RAD52: variants seen among roughly 807,000 people sequenced by gnomAD.
RAD52 encodes DNA repair protein RAD52 homolog.
A neutral mutation model predicts 55.5 loss-of-function variants in RAD52; 47 were observed. That is an observed-to-expected ratio of 0.85 (90% CI 0.67 to 1.08). The LOEUF is 1.08. Among genes scored for constraint, RAD52 ranks in the 50% least tolerant of loss-of-function variants. The pLI is 0.00. For synonymous variants in RAD52, 184 were observed against 198.9 expected (o/e 0.92, Z 0.63); for missense variants, 468 against 522.8 (o/e 0.90, Z 1.02).
At chr12:983,299 CATA>C (rs1959043448) in intron 1 of RAD52, among the ~76,000 whole-genome samples, 2 of 152,016 alleles carry the variant, frequency 1.3e-5, no homozygotes, top group South Asian at 4.2e-4. Flanking sequence ...CTAGGGATAC[CATA>C]ATAAAATAAT....
chr12:983,718 C>A (rs1361608543), intron 1 of RAD52, among the ~76,000 whole-genome samples: 1 of 152,174 alleles, frequency 6.6e-6, no homozygotes, highest in Non-Finnish European at 1.5e-5. Context: ...CCGCACGCGG[C>A]CGGCTGCATC....
intron 1 of RAD52, among the ~76,000 whole-genome samples, chr12:959,010 C>A (rs996339980): frequency 2.0e-5 from 3 of 152,094 alleles, no homozygotes; most frequent in African/African-American, 7.2e-5. Flanking sequence ...TACTACTGAT[C>A]CAGGCGCTGT....
Position 929,812 on chromosome 12 carries a change from C to CT in RAD52, c.348+6_348+7insA, listed in dbSNP as rs35278212. 0.12 allele frequency: 195,732 copies of CT among 1,611,970 alleles called. 12,480 individuals are homozygous for CT. Among genetic ancestry groups the CT allele is most frequent in the South Asian group, 0.16 (14,188 of 91,026 alleles). On this transcript the variant is annotated splice_region_variant and intron_variant, in intron 5 of 11. Transcript: ENST00000358495. ...TTCCGGGCAGCAGGTCTACTCCATC[C>CT]CCTCACCTTCAGCTGGACCCTCACA...
In RAD52 at chr12:919,749, T is replaced by TA. The variant is rs755729351; in HGVS notation, c.544-2930dup. On this transcript the variant is annotated intron_variant, in intron 7 of 11. Coordinates refer to ENST00000358495, the MANE Select transcript of RAD52 (RefSeq NM_134424.4). ...CTGGGCGACAGAGCAAGACTCTGTC[T>TA]AAAAAAAAAAAAAAAAATCTGGGCT... Among the ~76,000 whole-genome samples the TA allele has an allele frequency of 1.4e-3, 115 of 82,188 alleles. 9 individuals carry two copies. The highest frequency in any genetic ancestry group is 2.7e-3 in the East Asian group (9 of 3,360). The allele number at this position is 82,188 out of a possible 152,430, so 53.9% of individuals were successfully genotyped here. A position where few individuals can be genotyped will look rare whatever the true frequency, so the allele number is the denominator to read the frequency against.
chr12:980,518 T>C (rs1368095201), intron 1 of RAD52, among the ~76,000 whole-genome samples: 3 of 151,758 alleles, frequency 2.0e-5, no homozygotes, highest in Non-Finnish European at 4.4e-5. Flanking sequence ...GGTCTCGAAC[T>C]CCTGACCTCA....
At chr12:941,258 G>A (rs1957904264) in intron 1 of RAD52, among the ~76,000 whole-genome samples, 1 of 152,058 alleles carries the variant, frequency 6.6e-6, no homozygotes, top group South Asian at 2.1e-4. Flanking sequence ...AACATATCTA[G>A]AAATCAATTT....
At chr12:925,354 C>T in intron 7 of RAD52, 96 bp downstream of exon 7, 1 of 1,022,088 alleles carries the variant, frequency 9.8e-7, no homozygotes, top group South Asian at 1.3e-5. Flanking sequence ...AGAGCTGAGT[C>T]CTCACTTTTT....
In RAD52 at chr12:965,137, G is replaced by A. The variant is rs531395746; in HGVS notation, c.-19+24672C>T. Among the ~76,000 whole-genome samples, 22 of 151,732 alleles carry A rather than the reference G, an allele frequency of 1.4e-4. 1 individual carries two copies. The East Asian group carries it at 3.9e-3, about 27-fold the overall frequency. ...TAGGAGTACAGGTGCGCACCACCAC[G>A]CCCGGCTAATTTTTGTATTTTTAGT... On this transcript the variant is annotated intron_variant, in intron 1 of 11. Transcript: ENST00000430095.
chr12:950,192 T>C (rs560828442), upstream of RAD52, among the ~76,000 whole-genome samples: 26 of 152,258 alleles, frequency 1.7e-4, no homozygotes, highest in East Asian at 5.0e-3. Flanking sequence ...GCCGCGCACA[T>C]CCAGTCGTCA....
intron 7 of RAD52, 139 bp from the exon 8 acceptor site, chr12:916,959 A>G: frequency 1.7e-6 from 2 of 1,182,160 alleles, no homozygotes; most frequent in Non-Finnish European, 1.2e-6. Flanking sequence ...CTGTAACTCC[A>G]TGAGCAGGAG....
Position 919,388 on chromosome 12 carries a change from G to A in RAD52, c.544-2568C>T, listed in dbSNP as rs545909349. The stretch of plus-strand genomic sequence containing the variant: ...TTGAACCCACGAGGCAGAGGTTGCA[G>A]TGATCACAACATTGCACTCCAGCCT... On this transcript the variant is annotated intron_variant, in intron 7 of 11. Transcript: ENST00000358495. 2.0e-5 allele frequency among the ~76,000 whole-genome samples: 3 copies of A among 152,160 alleles called. No individual in the cohort carries two copies. The East Asian group carries it at 5.8e-4, about 29-fold the overall frequency.
At chr12:953,173 C>T (rs115285274), upstream of RAD52, among the ~76,000 whole-genome samples, 959 of 150,012 alleles carry the variant, frequency 6.4e-3, 12 homozygotes, top group African/African-American at 0.023. Context: ...GGGATGGTGG[C>T]ACATACCTTT....
At chr12:921,480 C>T (rs1288795828) in intron 7 of RAD52, among the ~76,000 whole-genome samples, 1 of 151,984 alleles carries the variant, frequency 6.6e-6, no homozygotes, top group Non-Finnish European at 1.5e-5. Context: ...GGCATGGTGG[C>T]AAATGCCTGT....
At chr12:935,767 C>A (rs987697171) in intron 1 of RAD52, among the ~76,000 whole-genome samples, 1 of 151,632 alleles carries the variant, frequency 6.6e-6, no homozygotes. Flanking sequence ...GCAAGAGAAT[C>A]GCTTGAACCC....
In RAD52 at chr12:914,404, A is replaced by G. The variant is rs200415466; in HGVS notation, c.967+27T>C. Reference sequence around the variant, plus strand: ...GGCTACTAGAAACATACAGCACAGTAGCTTACAAGCATTTCAAGGTATTTA... The same window carrying G: ...GGCTACTAGAAACATACAGCACAGTGGCTTACAAGCATTTCAAGGTATTTA... On this transcript the variant is annotated intron_variant, in intron 10 of 11. Coordinates refer to ENST00000358495, the MANE Select transcript of RAD52 (RefSeq NM_134424.4). 30 of 1,613,052 alleles carry G rather than the reference A, an allele frequency of 1.9e-5. No homozygotes were observed. The African/African-American group carries it at 2.3e-4, about 12-fold the overall frequency.
At chr12:955,840 G>A (rs960333251) in intron 1 of RAD52, among the ~76,000 whole-genome samples, 3 of 151,764 alleles carry the variant, frequency 2.0e-5, no homozygotes, top group Non-Finnish European at 4.4e-5. Flanking sequence ...GAGTGCAGTG[G>A]CACCATCTCG....
intron 7 of RAD52, among the ~76,000 whole-genome samples, chr12:917,918 C>T (rs1385017909): frequency 1.3e-5 from 2 of 151,872 alleles, no homozygotes. Context: ...CCAGCCTGGG[C>T]GACAGAGCAA....
intron 1 of RAD52, among the ~76,000 whole-genome samples, chr12:960,708 C>A (rs754259035): frequency 6.6e-6 from 1 of 151,134 alleles, no homozygotes; most frequent in African/African-American, 2.5e-5. Context: ...TCAAGCGATG[C>A]CCCCCTTCTT....
intron 1 of RAD52, among the ~76,000 whole-genome samples, chr12:966,583 T>A (rs952345162): frequency 1.3e-5 from 2 of 152,128 alleles, no homozygotes; most frequent in Non-Finnish European, 2.9e-5. Flanking sequence ...ATTGGCTTTT[T>A]TTTTTCCATT....
Sources: allele counts gnomAD v4.1 joint callset (sites outside exome capture counted in the v4.1 genomes callset), GRCh38; gene constraint gnomAD v4.1.1; transcripts MANE v1.5; gene names NCBI Gene and HGNC (gene_info 2026-07-23, HGNC 2026-07-21).